USP7: variants seen among roughly 807,000 people sequenced by gnomAD.
USP7 encodes ubiquitin C-terminal hydrolase 7.
USP7 carries 9 observed loss-of-function variants against 162.9 expected under a neutral mutation model. The ratio of observed to expected loss-of-function variants is 0.06; its 90% confidence interval spans 0.03 to 0.10. The LOEUF (loss-of-function observed/expected upper bound fraction) is 0.10, where lower values mean the gene tolerates loss of function less well. Ranked by LOEUF, USP7 falls within the 10% of genes least tolerant of loss-of-function variation. The pLI, the probability that USP7 is intolerant of heterozygous loss-of-function variation, is 1.00. For synonymous variants in USP7, 562 were observed against 475.9 expected (o/e 1.18, Z -2.35); for missense variants, 715 against 1,373.7 (o/e 0.52, Z 7.58).
intron 26 of USP7, among the ~76,000 whole-genome samples, chr16:8,895,989 A>T (rs1036401085): frequency 6.6e-6 from 1 of 151,952 alleles, no homozygotes; most frequent in African/African-American, 2.4e-5. Context: ...GGTGCGTGCC[A>T]CCACACTGGG....
At chr16:8,903,633 G>A (rs190119802) in intron 15 of USP7, among the ~76,000 whole-genome samples, 130 of 152,224 alleles carry the variant, frequency 8.5e-4, no homozygotes, top group Middle Eastern at 3.4e-3. Flanking sequence ...TTGGGAGGCC[G>A]AGGCGGGCGG....
rs1284241883 is a variant in USP7 at position 8,915,545 on chromosome 16, C to T, written c.907-20G>A. 3 of 1,610,286 alleles carry T rather than the reference C, an allele frequency of 1.9e-6. No homozygotes were observed. Reference sequence around the variant, plus strand: ...GAGCAACTGAAAAAGAATGTTTTGGCTTTAAAAAAACTTTTTTGTACTTAG... The same window carrying T: ...GAGCAACTGAAAAAGAATGTTTTGGTTTTAAAAAAACTTTTTTGTACTTAG... On this transcript the variant is annotated intron_variant, in intron 8 of 30. Transcript: ENST00000344836.
At chr16:8,921,098 T>C (rs886722425) in intron 4 of USP7, 59 bp downstream of exon 4, 4 of 1,542,032 alleles carry the variant, frequency 2.6e-6, no homozygotes, top group African/African-American at 1.4e-5. Flanking sequence ...AATCAAAAAG[T>C]TAAGGGAACA....
intron 2 of USP7, among the ~76,000 whole-genome samples, chr16:8,924,808 T>G (rs2447911): frequency 0.3 from 45,752 of 152,130 alleles, 6,973 homozygotes; most frequent in South Asian, 0.36. Flanking sequence ...CGGTAAGCAC[T>G]TCTACCTTCT....
At chr16:8,950,825 C>T (rs1472533042) in intron 1 of USP7, among the ~76,000 whole-genome samples, 1 of 152,208 alleles carries the variant, frequency 6.6e-6, no homozygotes, top group African/African-American at 2.4e-5. Context: ...GTGATCTGAG[C>T]GGGCACTATT....
At chr16:8,905,389 C>A (rs1481929266) in intron 13 of USP7, 58 bp from the exon 14 acceptor site, 4 of 1,593,374 alleles carry the variant, frequency 2.5e-6, no homozygotes, top group Non-Finnish European at 3.4e-6. Context: ...GTACCCAACA[C>A]TAGAAGGCAG....
At chr16:8,960,220 C>G (rs1222026374) in intron 1 of USP7, among the ~76,000 whole-genome samples, 12 of 152,246 alleles carry the variant, frequency 7.9e-5, no homozygotes, top group Admixed American at 7.9e-4. Context: ...TGCCTTCCAA[C>G]TAGAAACATG....
chr16:8,924,531 C>A (rs1897885949), intron 2 of USP7, among the ~76,000 whole-genome samples: 1 of 152,238 alleles, frequency 6.6e-6, no homozygotes, highest in Admixed American at 6.5e-5. Flanking sequence ...CCACCAGGCT[C>A]CTAAGGCACA....
At chr16:8,943,124 CACA>C in intron 1 of USP7, among the ~76,000 whole-genome samples, 1 of 152,090 alleles carries the variant, frequency 6.6e-6, no homozygotes, top group Non-Finnish European at 1.5e-5. Context: ...CAAAGAAGGC[CACA>C]TATAATATGT....
intron 12 of USP7, among the ~76,000 whole-genome samples, chr16:8,907,991 T>C (rs928113649): frequency 6.6e-6 from 1 of 152,160 alleles, no homozygotes; most frequent in African/African-American, 2.4e-5. Context: ...CCCTCTGAAA[T>C]AACATTTATA....
intron 12 of USP7, among the ~76,000 whole-genome samples, chr16:8,907,278 GA>G (rs1363581926): frequency 1.3e-5 from 2 of 152,198 alleles, no homozygotes; most frequent in African/African-American, 4.8e-5. Flanking sequence ...AGGATCCAAA[GA>G]AACATACCAA....
chr16:8,916,998 AT>A (rs755854323), intron 7 of USP7, 27 bp downstream of exon 7: 43 of 1,528,606 alleles, frequency 2.8e-5, no homozygotes, highest in Non-Finnish European at 3.7e-5. Context: ...AGGAAGCAGA[AT>A]GGCAAAGGCA....
intron 1 of USP7, among the ~76,000 whole-genome samples, chr16:8,957,360 A>C (rs928336382): frequency 4.6e-5 from 7 of 152,216 alleles, no homozygotes; most frequent in African/African-American, 1.4e-4. Flanking sequence ...ATGGCAAGAA[A>C]TATGTTGTTA....
chr16:8,926,857 G>C (rs1362383905), intron 2 of USP7, among the ~76,000 whole-genome samples: 3 of 152,184 alleles, frequency 2.0e-5, no homozygotes, highest in South Asian at 2.1e-4. Flanking sequence ...TCCTCAACCA[G>C]ATTCCTTGAT....
intron 6 of USP7, among the ~76,000 whole-genome samples, chr16:8,917,504 G>A (rs539849645): frequency 6.4e-4 from 96 of 150,208 alleles, no homozygotes; most frequent in African/African-American, 2.2e-3. Context: ...TCAGCCTCCC[G>A]AGTAGCTGGA....
At chr16:8,944,453 T>A (rs1409536969) in intron 1 of USP7, among the ~76,000 whole-genome samples, 1 of 152,176 alleles carries the variant, frequency 6.6e-6, no homozygotes, top group Non-Finnish European at 1.5e-5. Flanking sequence ...AAAAATTATT[T>A]GAAAAGACAA....
chr16:8,955,704 CAAAAAAAAAAAA>C (rs58029349), intron 1 of USP7, among the ~76,000 whole-genome samples: 1 of 101,020 alleles, frequency 9.9e-6, no homozygotes, highest in South Asian at 4.0e-4. Flanking sequence ...GATTCCATCT[CAAAAAAAAAAAA>C]AAAAAAAAAA....
intron 1 of USP7, among the ~76,000 whole-genome samples, chr16:8,960,913 G>A (rs1228563939): frequency 6.6e-6 from 1 of 152,180 alleles, no homozygotes; most frequent in African/African-American, 2.4e-5. Context: ...ACAGCCTCAT[G>A]TGCTCACTAC....
chr16:8,927,631 T>C (rs925281763), intron 2 of USP7, among the ~76,000 whole-genome samples: 4 of 151,706 alleles, frequency 2.6e-5, no homozygotes, highest in African/African-American at 9.7e-5. Context: ...AGGTCAGGTG[T>C]TCAAGACCAG....
Sources: allele counts gnomAD v4.1 joint callset (sites outside exome capture counted in the v4.1 genomes callset), GRCh38; gene constraint gnomAD v4.1.1; transcripts MANE v1.5; gene names NCBI Gene and HGNC (gene_info 2026-07-23, HGNC 2026-07-21).